Variants in KCNH1 observed in about 807,000 individuals in gnomAD.
KCNH1 encodes the protein voltage-gated delayed rectifier potassium channel KCNH1.
In KCNH1, 27 loss-of-function variants were observed where a neutral mutation model predicts 69.2. That is an observed-to-expected ratio of 0.39 (90% CI 0.29 to 0.54). KCNH1 has a LOEUF of 0.54. KCNH1 is among the 20% of genes least tolerant of loss of function. The probability of loss-of-function intolerance (pLI) is 0.68; values close to 1 mark genes in which losing one functional copy is unlikely to be tolerated. For missense variants in KCNH1, 798 were observed against 1,261.6 expected, an observed-to-expected ratio of 0.63 and a Z score of 5.57; for synonymous variants, 456 against 487.7, an observed-to-expected ratio of 0.93 and a Z score of 0.86.
At chr1:211,067,568 G>T (rs890538894) in intron 5 of KCNH1, among the ~76,000 whole-genome samples, 29 of 152,292 alleles carry the variant, frequency 1.9e-4, no homozygotes, top group Non-Finnish European at 3.8e-4. Flanking sequence ...CTCTGTGTCT[G>T]CATCTCAGAG....
chr1:210,843,859 C>A (rs749289916), intron 7 of KCNH1, among the ~76,000 whole-genome samples: 1 of 152,152 alleles, frequency 6.6e-6, no homozygotes, highest in African/African-American at 2.4e-5. Context: ...ACCTCACATA[C>A]AACTCTGCTT....
At chr1:210,711,261 C>T (rs1046830964) in intron 10 of KCNH1, among the ~76,000 whole-genome samples, 3 of 152,328 alleles carry the variant, frequency 2.0e-5, no homozygotes, top group East Asian at 1.9e-4. Flanking sequence ...GAAATCACAC[C>T]GGGGACCACC....
Position 210,744,236 on chromosome 1 carries a change from A to G in KCNH1, c.2112+31112T>C, listed in dbSNP as rs2149038675. 1.3e-5 allele frequency among the ~76,000 whole-genome samples: 2 copies of G among 152,360 alleles called. 1 individual carries two copies. Among genetic ancestry groups the G allele is most frequent in the South Asian group, 4.1e-4 (2 of 4,824 alleles). Reference sequence around the variant, plus strand: ...CCATGTCTATCTTATCTTACTGACCATCGGCCCATGTAAGTCTATTCCTTA... The same window carrying G: ...CCATGTCTATCTTATCTTACTGACCGTCGGCCCATGTAAGTCTATTCCTTA... On this transcript the variant is annotated intron_variant, in intron 10 of 10. Transcript: ENST00000271751.
rs1690878601 is a variant in KCNH1 at position 211,082,629 on chromosome 1, T to C, written c.558+151A>G. On this transcript the variant is annotated intron_variant, in intron 5 of 10. Transcript: ENST00000271751. Reference sequence around the variant, plus strand: ...AAGGAGTTAGGTCACTTACCCAGTATCATACACTGTGGTGTGTAAGCCCAG... The same window carrying C: ...AAGGAGTTAGGTCACTTACCCAGTACCATACACTGTGGTGTGTAAGCCCAG... The C allele has an allele frequency of 2.1e-5, 14 of 668,934 alleles. No individual in the cohort carries two copies. In the South Asian group the frequency reaches 2.6e-4, roughly 12 times the overall value. The allele number at this position is 668,934 out of a possible 1,614,324, so 41.4% of individuals were successfully genotyped here.
chr1:211,085,240 G>A (rs1404066523), intron 4 of KCNH1, among the ~76,000 whole-genome samples: 1 of 152,104 alleles, frequency 6.6e-6, no homozygotes, highest in Non-Finnish European at 1.5e-5. Flanking sequence ...CTGGATAAAG[G>A]GCCATGGTTT....
chr1:211,056,100 G>A (rs868444771), intron 5 of KCNH1, among the ~76,000 whole-genome samples: 24 of 152,214 alleles, frequency 1.6e-4, no homozygotes, highest in Non-Finnish European at 2.2e-4. Context: ...GTAGGGTAGA[G>A]TGCCAAGAAG....
chr1:210,815,376 T>C (rs1684791541), intron 7 of KCNH1, among the ~76,000 whole-genome samples: 1 of 152,146 alleles, frequency 6.6e-6, no homozygotes, highest in Admixed American at 6.5e-5. Flanking sequence ...CTTACTCTAC[T>C]GGACAGGACA....
intron 6 of KCNH1, among the ~76,000 whole-genome samples, chr1:210,960,566 T>A (rs1688273696): frequency 6.6e-6 from 1 of 152,242 alleles, no homozygotes; most frequent in South Asian, 2.1e-4. Flanking sequence ...TATTTTAGAA[T>A]TCATCTACAT....
chr1:211,014,510 T>C (rs1359193845), intron 6 of KCNH1, among the ~76,000 whole-genome samples: 1 of 152,200 alleles, frequency 6.6e-6, no homozygotes, highest in Non-Finnish European at 1.5e-5. Context: ...GCTTAAATCA[T>C]GGAGATGGGC....
chr1:210,763,124 A>G (rs915414139), intron 10 of KCNH1, among the ~76,000 whole-genome samples: 1 of 152,178 alleles, frequency 6.6e-6, no homozygotes, highest in African/African-American at 2.4e-5. Flanking sequence ...AATAAAAACC[A>G]TGTAATCATC....
chr1:211,066,140 C>T (rs992639608), intron 5 of KCNH1, among the ~76,000 whole-genome samples: 11 of 151,992 alleles, frequency 7.2e-5, no homozygotes, highest in African/African-American at 2.4e-4. Flanking sequence ...TGGTTACTTG[C>T]AAGAAACGAT....
Position 210,898,649 on chromosome 1 carries a change from G to A in KCNH1, c.1462+20991C>T, listed in dbSNP as rs149436884. Among the ~76,000 whole-genome samples the A allele has an allele frequency of 1.5e-3, 227 of 148,900 alleles. 1 individual carries two copies. The highest frequency in any genetic ancestry group is 5.2e-3 in the African/African-American group (204 of 39,450). On this transcript the variant is annotated intron_variant, in intron 7 of 10. Coordinates refer to ENST00000271751, the MANE Select transcript of KCNH1 (RefSeq NM_172362.3). Reference sequence around the variant, plus strand: ...TGGCATCATAATCTCACTTAGAACCGCAAGACCCCTTGGAGGGGGCAGGCG... The same window carrying A: ...TGGCATCATAATCTCACTTAGAACCACAAGACCCCTTGGAGGGGGCAGGCG...
intron 9 of KCNH1, among the ~76,000 whole-genome samples, chr1:210,781,779 C>T (rs969471790): frequency 4.6e-5 from 7 of 152,194 alleles, no homozygotes; most frequent in Non-Finnish European, 7.3e-5. Flanking sequence ...CCCAGTACTG[C>T]CCTCAACACG....
intron 7 of KCNH1, among the ~76,000 whole-genome samples, chr1:210,885,508 A>C (rs919341103): frequency 2.0e-5 from 3 of 150,222 alleles, no homozygotes; most frequent in Admixed American, 6.6e-5. Flanking sequence ...TTTTTTTTTC[A>C]TACCCCAGTG....
chr1:211,084,193 C>G lies in KCNH1; in HGVS notation c.440-1295G>C, dbSNP rs565853308. 7.2e-5 allele frequency among the ~76,000 whole-genome samples: 11 copies of G among 151,754 alleles called. No homozygotes were observed. The South Asian group carries it at 2.3e-3, about 32-fold the overall frequency. On this transcript the variant is annotated intron_variant, in intron 4 of 10. Coordinates refer to ENST00000271751, the MANE Select transcript of KCNH1 (RefSeq NM_172362.3). ...TCTGTAGGGGTCTTTGACATCTCCC[C>G]CAGTGTCAATGAATGTGCTATGGGA...
At chr1:211,034,881 T>C (rs912860268) in intron 5 of KCNH1, among the ~76,000 whole-genome samples, 1 of 152,154 alleles carries the variant, frequency 6.6e-6, no homozygotes, top group East Asian at 1.9e-4. Context: ...AGCTCCATAG[T>C]TCTTGGTAAC....
intron 5 of KCNH1, among the ~76,000 whole-genome samples, chr1:211,056,688 G>A (rs1690315871): frequency 6.6e-6 from 1 of 152,242 alleles, no homozygotes; most frequent in East Asian, 1.9e-4. Context: ...AGGTAGCTCG[G>A]CACAGAAAGA....
intron 7 of KCNH1, among the ~76,000 whole-genome samples, chr1:210,836,126 AAAAAAAAT>A (rs1685276347): frequency 6.6e-6 from 1 of 151,554 alleles, no homozygotes; most frequent in Admixed American, 6.6e-5. Flanking sequence ...AAAAAAAAAA[AAAAAAAAT>A]TTCTATATTG....
At chr1:211,008,534 A>T (rs1043857513) in intron 6 of KCNH1, among the ~76,000 whole-genome samples, 1 of 152,274 alleles carries the variant, frequency 6.6e-6, no homozygotes, top group Non-Finnish European at 1.5e-5. Flanking sequence ...TGAGGCTTAC[A>T]GCCATTGTGC....
Sources: gnomAD v4.1 joint callset for allele counts (sites outside exome capture counted in the v4.1 genomes callset) on GRCh38, gnomAD v4.1.1 for gene constraint, MANE v1.5 for transcripts, NCBI Gene and HGNC (gene_info 2026-07-23, HGNC 2026-07-21) for gene names.